SGIP1: variants seen among roughly 807,000 people sequenced by gnomAD.
The protein encoded by SGIP1 is SH3GL interacting endocytic adaptor 1, also known as SH3-containing GRB2-like protein 3-interacting protein 1.
Under a neutral mutation model 107.5 loss-of-function variants are expected in SGIP1, and 38 were observed. That is an observed-to-expected ratio of 0.35 (90% CI 0.27 to 0.46). The LOEUF is 0.46. Ranked by LOEUF, SGIP1 falls within the 20% of genes least tolerant of loss-of-function variation. The pLI is 1.00. For missense variants in SGIP1, 929 were observed against 1,019.5 expected, an observed-to-expected ratio of 0.91 and a Z score of 1.21; for synonymous variants, 365 against 366.1, an observed-to-expected ratio of 1.00 and a Z score of 0.03.
chr1:66,651,804 T>G (rs538513460), intron 7 of SGIP1, among the ~76,000 whole-genome samples: 1 of 152,322 alleles, frequency 6.6e-6, no homozygotes, highest in Non-Finnish European at 1.5e-5. Context: ...TAAAATTATC[T>G]TATTATATAT....
intron 18 of SGIP1, among the ~76,000 whole-genome samples, chr1:66,711,202 A>G (rs956507335): frequency 3.9e-5 from 6 of 152,192 alleles, no homozygotes; most frequent in African/African-American, 1.4e-4. Context: ...GTATCCATTT[A>G]AAGTACCTTA....
chr1:66,600,083 G>A (rs1428103014), intron 1 of SGIP1, among the ~76,000 whole-genome samples: 1 of 152,200 alleles, frequency 6.6e-6, no homozygotes, highest in Non-Finnish European at 1.5e-5. Flanking sequence ...GCTTTCTCGG[G>A]CTCAGTGAGT....
At chr1:66,733,724 T>A (rs1203593167) in intron 20 of SGIP1, 24 bp from the exon 21 acceptor site, 9 of 1,605,110 alleles carry the variant, frequency 5.6e-6, no homozygotes, top group Non-Finnish European at 6.0e-6. Context: ...TGCTACTCAA[T>A]CATTTTTCTT....
intron 1 of SGIP1, among the ~76,000 whole-genome samples, chr1:66,558,541 A>G (rs1303012314): frequency 1.3e-5 from 2 of 152,046 alleles, no homozygotes; most frequent in Non-Finnish European, 2.9e-5. Flanking sequence ...TTGTATTGCG[A>G]GTATCATTAA....
intron 1 of SGIP1, among the ~76,000 whole-genome samples, chr1:66,570,274 T>G (rs145490031): frequency 1.6e-4 from 25 of 151,962 alleles, no homozygotes; most frequent in Middle Eastern, 3.4e-3. Context: ...CCTAGGAACT[T>G]TTTGAAACTT....
In SGIP1 at chr1:66,692,174, AG is replaced by A. The variant is rs1157532153; in HGVS notation, c.1570+1859del. On this transcript the variant is annotated intron_variant, in intron 17 of 24. Transcript: ENST00000371037. ...AGACTCCATCTCAAAAAAAAAAAAA[AG>A]AGAGAGAGAGAATTTGAACTTTGTG... is the stretch of plus-strand genomic sequence containing the variant. Among the ~76,000 whole-genome samples, 43 of 129,910 alleles carry A rather than the reference AG, an allele frequency of 3.3e-4. No individual in the cohort carries two copies. In the East Asian group the frequency reaches 6.3e-3, roughly 19 times the overall value. 85.2% of individuals were successfully genotyped at this position (129,910 alleles called of 152,430 possible).
At chr1:66,638,353 G>C (rs1382558183) in intron 4 of SGIP1, among the ~76,000 whole-genome samples, 2 of 152,146 alleles carry the variant, frequency 1.3e-5, no homozygotes, top group East Asian at 3.8e-4. Context: ...CGTATGACAG[G>C]TTTTACAAAG....
At chr1:66,695,191 C>G in intron 17 of SGIP1, 1 of 735,518 alleles carries the variant, frequency 1.4e-6, no homozygotes, top group Non-Finnish European at 2.1e-6. Flanking sequence ...TATCAAGCGA[C>G]CACCAACACA....
chr1:66,668,136 A>G (rs2082984436), intron 9 of SGIP1, among the ~76,000 whole-genome samples: 1 of 152,202 alleles, frequency 6.6e-6, no homozygotes. Context: ...GTAGATCAAT[A>G]TTAATTTGCA....
At chr1:66,569,954 T>C (rs1210124424) in intron 1 of SGIP1, among the ~76,000 whole-genome samples, 1 of 151,820 alleles carries the variant, frequency 6.6e-6, no homozygotes. Context: ...GTTTGACAGA[T>C]TTTGTCTTTC....
chr1:66,612,141 G>GT (rs746381085), intron 1 of SGIP1, among the ~76,000 whole-genome samples: 2 of 152,204 alleles, frequency 1.3e-5, no homozygotes, highest in Non-Finnish European at 2.9e-5. Context: ...AAGCCAGTGT[G>GT]TGCAGAGGTC....
chr1:66,603,143 C>T lies in SGIP1; in HGVS notation c.11-22704C>T, dbSNP rs565010022. 4.1e-4 allele frequency among the ~76,000 whole-genome samples: 63 copies of T among 152,136 alleles called. 1 individual carries two copies. The highest frequency in any genetic ancestry group is 2.4e-3 in the Admixed American group (37 of 15,272). On this transcript the variant is annotated intron_variant, in intron 1 of 24. Coordinates refer to ENST00000371037, the MANE Select transcript of SGIP1 (RefSeq NM_032291.4). Reference sequence around the variant, plus strand: ...TGTTAAGCTAATGCTTTTTGACAAGCATTTGTCTTGGAGAAAGAGAAAGAA... The same window carrying T: ...TGTTAAGCTAATGCTTTTTGACAAGTATTTGTCTTGGAGAAAGAGAAAGAA...
intron 1 of SGIP1, among the ~76,000 whole-genome samples, chr1:66,549,692 A>G (rs1396090879): frequency 2.0e-5 from 3 of 152,178 alleles, no homozygotes; most frequent in African/African-American, 4.8e-5. Flanking sequence ...ACTTGCTACA[A>G]GATGATACCA....
intron 19 of SGIP1, among the ~76,000 whole-genome samples, chr1:66,727,608 G>A (rs1203602481): frequency 2.0e-5 from 3 of 152,126 alleles, no homozygotes; most frequent in African/African-American, 4.8e-5. Context: ...ATTTGTAATA[G>A]GCAAAAACTG....
chr1:66,588,891 G>T (rs1372155235), intron 1 of SGIP1, among the ~76,000 whole-genome samples: 1 of 150,552 alleles, frequency 6.6e-6, no homozygotes. Flanking sequence ...TTTTAAATAA[G>T]GCAAACATAC....
chr1:66,620,976 T>C (rs1410761843), intron 1 of SGIP1, among the ~76,000 whole-genome samples: 1 of 152,192 alleles, frequency 6.6e-6, no homozygotes, highest in Non-Finnish European at 1.5e-5. Context: ...GTTCTTTTCA[T>C]GCAACATGGG....
intron 18 of SGIP1, among the ~76,000 whole-genome samples, chr1:66,699,458 G>A (rs755843152): frequency 5.9e-5 from 9 of 152,102 alleles, no homozygotes; most frequent in South Asian, 2.1e-4. Flanking sequence ...TAGAGTGTAC[G>A]TGTGTGACCT....
chr1:66,637,801 A>T (rs997523241), intron 4 of SGIP1, among the ~76,000 whole-genome samples: 4 of 150,234 alleles, frequency 2.7e-5, no homozygotes. Context: ...ATGTGTGTGT[A>T]TGTATGTGTG....
intron 22 of SGIP1, among the ~76,000 whole-genome samples, chr1:66,740,100 A>G (rs1485862903): frequency 6.6e-6 from 1 of 152,348 alleles, no homozygotes; most frequent in East Asian, 1.9e-4. Flanking sequence ...ATTTGTACCT[A>G]GGACCCTAAC....
Sources: allele counts gnomAD v4.1 joint callset (sites outside exome capture counted in the v4.1 genomes callset), GRCh38; gene constraint gnomAD v4.1.1; transcripts MANE v1.5; gene names NCBI Gene and HGNC (gene_info 2026-07-23, HGNC 2026-07-21).